SHISA9: variants seen among roughly 807,000 people sequenced by gnomAD.
SHISA9 encodes shisa family member 9.
A neutral mutation model predicts 38.0 loss-of-function variants in SHISA9; 13 were observed. That is an observed-to-expected ratio of 0.34 (90% CI 0.22 to 0.54). The LOEUF (loss-of-function observed/expected upper bound fraction) is 0.54, where lower values mean the gene tolerates loss of function less well. SHISA9 is among the 20% of genes least tolerant of loss of function. The pLI is 0.91. For missense variants in SHISA9, 538 were observed against 575.8 expected (o/e 0.93, Z 0.67); for synonymous variants, 275 against 242.0 (o/e 1.14, Z -1.27).
At chr16:13,047,323 C>G (rs931444795) in intron 2 of SHISA9, among the ~76,000 whole-genome samples, 1 of 150,780 alleles carries the variant, frequency 6.6e-6, no homozygotes, top group Non-Finnish European at 1.5e-5. Flanking sequence ...ATCAATCAGA[C>G]CATTAAAAAA....
intron 2 of SHISA9, among the ~76,000 whole-genome samples, chr16:12,963,024 C>A (rs2071931238): frequency 6.6e-6 from 1 of 152,190 alleles, no homozygotes; most frequent in African/African-American, 2.4e-5. Flanking sequence ...GCCCAGTCCT[C>A]CAGCCTTCAG....
chr16:13,306,474 A>T, the SHISA9 span, among the ~76,000 whole-genome samples: 9 of 152,196 alleles, frequency 5.9e-5, no homozygotes, highest in Non-Finnish European at 1.2e-4. Context: ...ACAGAGAGAT[A>T]ATGATATTAG....
At chr16:13,288,858 A>G in the SHISA9 span, among the ~76,000 whole-genome samples, 1 of 152,188 alleles carries the variant, frequency 6.6e-6, no homozygotes, top group Non-Finnish European at 1.5e-5. Context: ...ATCCTGTTGG[A>G]CTAGGGAACT....
intron 2 of SHISA9, among the ~76,000 whole-genome samples, chr16:12,924,201 A>G (rs1211934041): frequency 6.6e-6 from 1 of 152,290 alleles, no homozygotes; most frequent in Non-Finnish European, 1.5e-5. Flanking sequence ...AGGTTCTCCA[A>G]GAAAGGTGTG....
At chr16:13,143,242 T>C (rs1324269212) in intron 2 of SHISA9, among the ~76,000 whole-genome samples, 1 of 152,084 alleles carries the variant, frequency 6.6e-6, no homozygotes, top group Non-Finnish European at 1.5e-5. Context: ...ATTCCTGACC[T>C]AAGGTGATCA....
intron 2 of SHISA9, among the ~76,000 whole-genome samples, chr16:13,071,604 TTCTTC>T (rs2073518418): frequency 1.5e-5 from 2 of 130,410 alleles, no homozygotes; most frequent in African/African-American, 8.2e-5. Context: ...TTCCTTCCCT[TTCTTC>T]CCTTCCTTCC....
the SHISA9 span, among the ~76,000 whole-genome samples, chr16:13,322,656 T>C: frequency 3.3e-5 from 5 of 152,212 alleles, no homozygotes; most frequent in African/African-American, 1.2e-4. Context: ...CAGCTGTCTC[T>C]GCAGATGCGC....
the SHISA9 span, among the ~76,000 whole-genome samples, chr16:13,493,569 C>G: frequency 6.6e-6 from 1 of 152,136 alleles, no homozygotes; most frequent in Non-Finnish European, 1.5e-5. Context: ...TTTTATTGAC[C>G]CAATGCCCCA....
At chr16:13,291,003 G>T in the SHISA9 span, among the ~76,000 whole-genome samples, 2 of 152,150 alleles carry the variant, frequency 1.3e-5, no homozygotes, top group Admixed American at 6.5e-5. Flanking sequence ...GAGAGTTGCA[G>T]TACTGAACAC....
At chr16:13,420,978 G>C in the SHISA9 span, among the ~76,000 whole-genome samples, 4 of 152,118 alleles carry the variant, frequency 2.6e-5, no homozygotes, top group Admixed American at 2.0e-4. Context: ...ATCCAACTTG[G>C]ACTCTTCACA....
the SHISA9 span, among the ~76,000 whole-genome samples, chr16:13,396,082 G>A: frequency 9.9e-5 from 15 of 152,234 alleles, no homozygotes; most frequent in African/African-American, 3.6e-4. Flanking sequence ...GGGGGAAGAT[G>A]TAATGAATTA....
At chr16:13,165,251 A>C (rs977324302) in intron 2 of SHISA9, among the ~76,000 whole-genome samples, 1 of 152,102 alleles carries the variant, frequency 6.6e-6, no homozygotes, top group African/African-American at 2.4e-5. Context: ...TCCACAGTTC[A>C]GTCATGCTCT....
At chr16:13,338,306 G>A in the SHISA9 span, among the ~76,000 whole-genome samples, 11 of 152,222 alleles carry the variant, frequency 7.2e-5, no homozygotes, top group African/African-American at 1.2e-4. Context: ...TTTTGCTTAC[G>A]TCAGTTAGAG....
At chr16:12,914,799 A>G (rs931452933) in intron 1 of SHISA9, among the ~76,000 whole-genome samples, 1 of 152,200 alleles carries the variant, frequency 6.6e-6, no homozygotes, top group Non-Finnish European at 1.5e-5. Flanking sequence ...AGATTCTTGC[A>G]GGTTGCTGGG....
the SHISA9 span, among the ~76,000 whole-genome samples, chr16:13,486,087 G>C: frequency 6.6e-6 from 1 of 152,152 alleles, no homozygotes; most frequent in Admixed American, 6.5e-5. Flanking sequence ...TTAGAAACAG[G>C]GGACCCCATT....
the SHISA9 span, among the ~76,000 whole-genome samples, chr16:13,553,757 G>T: frequency 6.6e-6 from 1 of 151,808 alleles, no homozygotes; most frequent in East Asian, 1.9e-4. Flanking sequence ...CCATCCCTTC[G>T]CTGTGAATCA....
At chr16:13,339,088 A>C in the SHISA9 span, among the ~76,000 whole-genome samples, 1 of 151,804 alleles carries the variant, frequency 6.6e-6, no homozygotes, top group Admixed American at 6.6e-5. Context: ...TCAGTTACTA[A>C]CCATCTAAAT....
At chr16:13,314,209 T>TA in the SHISA9 span, among the ~76,000 whole-genome samples, 1 of 151,490 alleles carries the variant, frequency 6.6e-6, no homozygotes, top group East Asian at 1.9e-4. Context: ...TTTCATTTTT[T>TA]TTTATTTTTT....
chr16:12,930,079 A>T (rs2071443964), intron 2 of SHISA9, among the ~76,000 whole-genome samples: 1 of 152,146 alleles, frequency 6.6e-6, no homozygotes, highest in East Asian at 1.9e-4. Flanking sequence ...CATCTTGTCT[A>T]CTTGCTCCTT....
Sources: gnomAD v4.1 joint callset for allele counts (sites outside exome capture counted in the v4.1 genomes callset) on GRCh38, gnomAD v4.1.1 for gene constraint, MANE v1.5 for transcripts, NCBI Gene and HGNC (gene_info 2026-07-23, HGNC 2026-07-21) for gene names.